Variants in RHOBTB3 observed in about 807,000 individuals in gnomAD.
RHOBTB3 encodes the protein Rho related BTB domain containing 3, also known as rho-related BTB domain-containing protein 3.
In RHOBTB3, 47 loss-of-function variants were observed where a neutral mutation model predicts 67.2. That is an observed-to-expected ratio of 0.70 (90% CI 0.55 to 0.89). The LOEUF (loss-of-function observed/expected upper bound fraction) is 0.89, where lower values mean the gene tolerates loss of function less well. Ranked by LOEUF, RHOBTB3 falls within the 40% of genes least tolerant of loss-of-function variation. The pLI is 0.00. For missense variants in RHOBTB3, 631 were observed against 750.0 expected, an observed-to-expected ratio of 0.84 and a Z score of 1.85; for synonymous variants, 273 against 274.2, an observed-to-expected ratio of 1.00 and a Z score of 0.04.
At chr5:95,763,282 T>G (rs1745443568) in intron 6 of RHOBTB3, among the ~76,000 whole-genome samples, 1 of 152,182 alleles carries the variant, frequency 6.6e-6, no homozygotes, top group Admixed American at 6.5e-5. Context: ...GTAGCAGCAG[T>G]CTGGGGAGGA....
chr5:95,741,523 G>GTTTTT (rs70978191), intron 3 of RHOBTB3, among the ~76,000 whole-genome samples: 17 of 84,826 alleles, frequency 2.0e-4, no homozygotes, highest in Admixed American at 4.6e-4. Flanking sequence ...CTTTCTTTCT[G>GTTTTT]TTTTTTTTTT....
At chr5:95,747,959 C>T (rs1744968722) in intron 3 of RHOBTB3, among the ~76,000 whole-genome samples, 1 of 152,172 alleles carries the variant, frequency 6.6e-6, no homozygotes, top group African/African-American at 2.4e-5. Context: ...CACTGTTTTC[C>T]ATGCTCTCCA....
At chr5:95,727,494 C>T (rs1016738205), upstream of RHOBTB3, among the ~76,000 whole-genome samples, 5 of 152,114 alleles carry the variant, frequency 3.3e-5, no homozygotes, top group Non-Finnish European at 7.4e-5. Flanking sequence ...GGGATAAAAA[C>T]ATCTAATAGA....
At chr5:95,723,869 T>C (rs899517597) in intron 1 of RHOBTB3, among the ~76,000 whole-genome samples, 3 of 152,184 alleles carry the variant, frequency 2.0e-5, no homozygotes, top group Admixed American at 1.3e-4. Flanking sequence ...CTGAACTTTT[T>C]TGACCGAGCA....
chr5:95,777,280 G>A (rs1032376253), intron 8 of RHOBTB3, among the ~76,000 whole-genome samples: 3 of 152,140 alleles, frequency 2.0e-5, no homozygotes, highest in African/African-American at 7.2e-5. Context: ...ACCAAAAACA[G>A]TTCTAAAAAT....
intron 3 of RHOBTB3, among the ~76,000 whole-genome samples, chr5:95,737,325 A>G (rs1755478279): frequency 6.6e-6 from 1 of 152,212 alleles, no homozygotes. Flanking sequence ...TAGTGATGGA[A>G]GTCAGCAATT....
upstream of RHOBTB3, among the ~76,000 whole-genome samples, chr5:95,726,894 T>TA (rs1410646659): frequency 6.6e-6 from 1 of 152,192 alleles, no homozygotes; most frequent in Non-Finnish European, 1.5e-5. Context: ...TCTGCCCACT[T>TA]ACTGGTCAAC....
chr5:95,784,985 C>CTAT (rs1195471117), intron 10 of RHOBTB3, among the ~76,000 whole-genome samples: 3 of 152,178 alleles, frequency 2.0e-5, no homozygotes, highest in African/African-American at 4.8e-5. Flanking sequence ...ACTTCTTGAA[C>CTAT]TATTATCTGG....
At chr5:95,762,617 T>G (rs984209487) in intron 6 of RHOBTB3, among the ~76,000 whole-genome samples, 1 of 152,188 alleles carries the variant, frequency 6.6e-6, no homozygotes, top group Non-Finnish European at 1.5e-5. Context: ...TTGAATTATA[T>G]TTTTATGAGA....
At chr5:95,776,639 G>A (rs1470935687) in intron 8 of RHOBTB3, among the ~76,000 whole-genome samples, 6 of 152,174 alleles carry the variant, frequency 3.9e-5, no homozygotes, top group African/African-American at 4.8e-5. Flanking sequence ...ATATACTGAG[G>A]CACCTTGATG....
intron 10 of RHOBTB3, among the ~76,000 whole-genome samples, chr5:95,788,057 A>G (rs1053313236): frequency 6.6e-6 from 1 of 152,202 alleles, no homozygotes; most frequent in Admixed American, 6.5e-5. Context: ...AGAGTTCTAT[A>G]CTCATGTGCC....
intron 3 of RHOBTB3, among the ~76,000 whole-genome samples, chr5:95,741,544 T>TTC (rs35452363): frequency 9.7e-5 from 12 of 123,154 alleles, no homozygotes; most frequent in African/African-American, 3.9e-4. Flanking sequence ...TTTTTTTTTT[T>TTC]AGAAACAGGA....
rs1388112023 is a variant in RHOBTB3 at position 95,783,825 on chromosome 5, G to C, written c.1485G>C (p.Leu495=). ...GCATATTCCAGGCCATGTGTCTCCT[G>C]ATCTGTGCCGAGATGTACCAAGTGT... ...PAGIFQAMCL[L]ICAEMYQVSR... Residue 495 remains leucine (L), a synonymous_variant, in exon 10 of 12, where the codon CTG becomes CTC. Coordinates refer to ENST00000379982, the MANE Select transcript of RHOBTB3 (RefSeq NM_014899.4). 6.2e-7 allele frequency: 1 copy of C among 1,612,496 alleles called. No homozygotes were observed. Among genetic ancestry groups the C allele is most frequent in the African/African-American group, 1.3e-5 (1 of 74,820 alleles).
intron 3 of RHOBTB3, among the ~76,000 whole-genome samples, chr5:95,747,526 C>T (rs1047319100): frequency 3.3e-5 from 5 of 152,172 alleles, no homozygotes; most frequent in Non-Finnish European, 7.3e-5. Flanking sequence ...GGTCACGATA[C>T]ATAACAAATC....
chr5:95,793,888 G>A lies in RHOBTB3; in HGVS notation c.*714G>A, dbSNP rs554179178. The stretch of plus-strand genomic sequence containing the variant: ...ACTTGGTTCAAGGCTCTGCTATAGC[G>A]GAAATTCTTAATAATGTTTGAAGAA... On this transcript the variant is annotated 3_prime_UTR_variant, in exon 12 of 12. Coordinates refer to ENST00000379982, the MANE Select transcript of RHOBTB3 (RefSeq NM_014899.4). 82 of 421,656 alleles carry A rather than the reference G, an allele frequency of 1.9e-4. No individual in the cohort carries two copies. Among genetic ancestry groups the A allele is most frequent in the Admixed American group, 9.5e-4 (36 of 37,954 alleles). The allele number at this position is 421,656 out of a possible 1,614,324, so 26.1% of individuals were successfully genotyped here.
intron 5 of RHOBTB3, among the ~76,000 whole-genome samples, chr5:95,753,166 A>G (rs1745141167): frequency 6.6e-6 from 1 of 151,332 alleles, no homozygotes; most frequent in Non-Finnish European, 1.5e-5. Flanking sequence ...TTTTAGAGCC[A>G]AAGGATCCTG....
At chr5:95,737,160 G>T in intron 3 of RHOBTB3, 85 bp downstream of exon 3, 1 of 958,660 alleles carries the variant, frequency 1.0e-6, no homozygotes. Context: ...ATGGATAATA[G>T]GGTTTGTTTT....
At chr5:95,743,873 T>C (rs1167459382) in intron 3 of RHOBTB3, among the ~76,000 whole-genome samples, 3 of 151,800 alleles carry the variant, frequency 2.0e-5, no homozygotes, top group African/African-American at 7.3e-5. Context: ...CATGCCTGGG[T>C]AATTTTTGTA....
chr5:95,738,284 A>G (rs1390394676), intron 3 of RHOBTB3, among the ~76,000 whole-genome samples: 2 of 152,132 alleles, frequency 1.3e-5, no homozygotes, highest in African/African-American at 4.8e-5. Flanking sequence ...GTCATGATTC[A>G]TAAAAGAGTT....
Sources: allele counts gnomAD v4.1 joint callset (sites outside exome capture counted in the v4.1 genomes callset), GRCh38; gene constraint gnomAD v4.1.1; transcripts MANE v1.5; gene names NCBI Gene and HGNC (gene_info 2026-07-23, HGNC 2026-07-21).